Variants in PRR16 observed in about 807,000 individuals in gnomAD.
The protein encoded by PRR16 is proline rich 16, also known as protein Largen.
A neutral mutation model predicts 18.2 loss-of-function variants in PRR16; 6 were observed. The ratio of observed to expected loss-of-function variants is 0.33; its 90% CI spans 0.18 to 0.65. The LOEUF (loss-of-function observed/expected upper bound fraction) is 0.65. PRR16 is among the 30% of genes least tolerant of loss of function. The pLI is 0.74. For synonymous variants in PRR16, 151 were observed against 147.8 expected (o/e 1.02, Z -0.16); for missense variants, 412 against 376.6 (o/e 1.09, Z -0.78).
intron 1 of PRR16, among the ~76,000 whole-genome samples, chr5:120,508,659 A>G (rs1750723965): frequency 6.6e-6 from 1 of 152,104 alleles, no homozygotes; most frequent in Non-Finnish European, 1.5e-5. Flanking sequence ...ATCCTTATAA[A>G]TTGTGTCTTT....
chr5:120,515,782 T>G (rs557062518), intron 1 of PRR16, among the ~76,000 whole-genome samples: 120 of 152,332 alleles, frequency 7.9e-4, no homozygotes, highest in African/African-American at 2.8e-3. Context: ...CAGTGTGCCT[T>G]GTGTGGAACA....
the PRR16 span, among the ~76,000 whole-genome samples, chr5:120,723,398 A>G: frequency 1.3e-5 from 2 of 151,984 alleles, no homozygotes; most frequent in Non-Finnish European, 2.9e-5. Flanking sequence ...GCACGGAAAA[A>G]AGAAAATTCT....
chr5:120,500,589 A>T (rs924133207), intron 1 of PRR16, among the ~76,000 whole-genome samples: 1 of 152,248 alleles, frequency 6.6e-6, no homozygotes, highest in Non-Finnish European at 1.5e-5. Flanking sequence ...GTTAAATTTT[A>T]TGTCATGAAT....
chr5:120,521,486 G>C (rs1044551402), intron 1 of PRR16, among the ~76,000 whole-genome samples: 1 of 151,820 alleles, frequency 6.6e-6, no homozygotes, highest in Non-Finnish European at 1.5e-5. Context: ...TCTTTATGGG[G>C]CTCATTTTTT....
intron 1 of PRR16, among the ~76,000 whole-genome samples, chr5:120,656,089 C>T (rs969241025): frequency 1.3e-5 from 2 of 151,744 alleles, no homozygotes; most frequent in East Asian, 3.9e-4. Flanking sequence ...AATTCCAAAC[C>T]CCCTAACTGC....
chr5:120,639,664 A>G (rs1350952160), intron 1 of PRR16, among the ~76,000 whole-genome samples: 1 of 151,938 alleles, frequency 6.6e-6, no homozygotes, highest in Non-Finnish European at 1.5e-5. Flanking sequence ...GGTTGCAGAA[A>G]AAAGGGAACA....
chr5:120,760,070 G>A, the PRR16 span, among the ~76,000 whole-genome samples: 1 of 152,114 alleles, frequency 6.6e-6, no homozygotes, highest in African/African-American at 2.4e-5. Context: ...CGTACTTGTT[G>A]ATAAAGTTGT....
At chr5:120,789,855 A>C in the PRR16 span, 1 of 152,118 alleles carries the variant, frequency 6.6e-6, no homozygotes, top group African/African-American at 2.4e-5. Flanking sequence ...ATTATTAGCA[A>C]ATGATTGCTT....
At chr5:120,650,814 A>G (rs1056435445) in intron 1 of PRR16, among the ~76,000 whole-genome samples, 8 of 152,106 alleles carry the variant, frequency 5.3e-5, no homozygotes, top group Admixed American at 2.0e-4. Context: ...TTATAGCAGC[A>G]TGATTTATAG....
intron 1 of PRR16, among the ~76,000 whole-genome samples, chr5:120,520,362 T>A (rs1751133499): frequency 6.6e-6 from 1 of 151,918 alleles, no homozygotes. Context: ...GCCACTGCAC[T>A]CCAGCCTGGA....
chr5:120,549,657 A>G (rs963564391), intron 1 of PRR16, among the ~76,000 whole-genome samples: 11 of 152,172 alleles, frequency 7.2e-5, no homozygotes, highest in African/African-American at 2.6e-4. Context: ...GTCTTGGCTA[A>G]AGTAGATAGG....
At chr5:120,733,750 A>G in the PRR16 span, among the ~76,000 whole-genome samples, 23 of 152,282 alleles carry the variant, frequency 1.5e-4, no homozygotes, top group African/African-American at 5.1e-4. Flanking sequence ...GTTTTAATGA[A>G]TTGATTAAAA....
chr5:120,630,832 T>C (rs747377568), intron 1 of PRR16, among the ~76,000 whole-genome samples: 9 of 152,190 alleles, frequency 5.9e-5, no homozygotes, highest in Non-Finnish European at 1.3e-4. Flanking sequence ...TGGTTTGCAC[T>C]ATCGTTCCTT....
chr5:120,718,450 C>T, the PRR16 span, among the ~76,000 whole-genome samples: 2 of 152,046 alleles, frequency 1.3e-5, no homozygotes, highest in South Asian at 4.2e-4. Flanking sequence ...AAGTCATTGC[C>T]CCTGTTATAG....
chr5:120,668,417 T>G (rs111471742), intron 1 of PRR16, among the ~76,000 whole-genome samples: 112,687 of 144,042 alleles, frequency 0.78, 44,850 homozygotes, highest in East Asian at 0.94. Context: ...CAATTTGCCA[T>G]TCTGTGTCTT....
intron 1 of PRR16, among the ~76,000 whole-genome samples, chr5:120,587,125 C>G (rs1455938457): frequency 6.6e-6 from 1 of 152,046 alleles, no homozygotes; most frequent in African/African-American, 2.4e-5. Context: ...TCTGTGAAGG[C>G]TGAGAAACTT....
intron 1 of PRR16, among the ~76,000 whole-genome samples, chr5:120,476,492 A>G (rs1345650789): frequency 6.6e-6 from 1 of 152,132 alleles, no homozygotes; most frequent in African/African-American, 2.4e-5. Flanking sequence ...ATTACTAACT[A>G]TGTAACCTTC....
chr5:120,467,461 T>G (rs1749139868), intron 1 of PRR16, among the ~76,000 whole-genome samples: 1 of 152,142 alleles, frequency 6.6e-6, no homozygotes, highest in Admixed American at 6.5e-5. Flanking sequence ...ATTCTGTTCT[T>G]TGTTTTTGTG....
At chr5:120,750,097 A>G in the PRR16 span, among the ~76,000 whole-genome samples, 1 of 152,192 alleles carries the variant, frequency 6.6e-6, no homozygotes, top group Non-Finnish European at 1.5e-5. Flanking sequence ...TTTACGTAGC[A>G]AAACATTCAG....
Sources: gnomAD v4.1 joint callset for allele counts (sites outside exome capture counted in the v4.1 genomes callset) on GRCh38, gnomAD v4.1.1 for gene constraint, MANE v1.5 for transcripts, NCBI Gene and HGNC (gene_info 2026-07-23, HGNC 2026-07-21) for gene names.